MACROD2: variants seen among roughly 807,000 people sequenced by gnomAD.
The protein encoded by MACROD2 is mono-ADP ribosylhydrolase 2, also known as ADP-ribose glycohydrolase MACROD2.
A neutral mutation model predicts 70.4 loss-of-function variants in MACROD2; 36 were observed. The ratio of observed to expected loss-of-function variants is 0.51; its 90% CI spans 0.39 to 0.68. The LOEUF (loss-of-function observed/expected upper bound fraction) is 0.68. MACROD2 is among the 30% of genes least tolerant of loss of function. MACROD2 has a pLI of 0.00. For missense variants in MACROD2, 496 were observed against 538.4 expected (o/e 0.92, Z 0.78); for synonymous variants, 172 against 178.8 (o/e 0.96, Z 0.30).
intron 5 of MACROD2, among the ~76,000 whole-genome samples, chr20:15,159,698 C>T (rs556367342): frequency 6.6e-6 from 1 of 151,862 alleles, no homozygotes; most frequent in Admixed American, 6.6e-5. Flanking sequence ...GTCTAGTTCC[C>T]TTATCCTAAG....
At chr20:14,299,110 C>A (rs1040175095) in intron 3 of MACROD2, among the ~76,000 whole-genome samples, 3 of 152,116 alleles carry the variant, frequency 2.0e-5, no homozygotes, top group Admixed American at 1.3e-4. Flanking sequence ...TGCTATCAAA[C>A]AGCATCACAT....
intron 4 of MACROD2, among the ~76,000 whole-genome samples, chr20:14,650,775 G>A (rs772080507): frequency 6.6e-6 from 1 of 152,046 alleles, no homozygotes; most frequent in Non-Finnish European, 1.5e-5. Flanking sequence ...ATAACCCTTC[G>A]CACTACACAC....
At position 14,520,708 on chromosome 20, in the gene MACROD2, G is replaced by C. The variant is rs537440905; in HGVS notation, c.301+27200G>C. On this transcript the variant is annotated intron_variant, in intron 4 of 17. Transcript: ENST00000684519. ...TGTGTAAACTTTCCTGACTTCCCCA[G>C]GTAGAGCTGACTCTTCCCTCTTTTG... 1.9e-3 allele frequency among the ~76,000 whole-genome samples: 291 copies of C among 152,126 alleles called. 1 individual carries two copies. Among genetic ancestry groups the C allele is most frequent in the African/African-American group, 6.8e-3 (284 of 41,478 alleles).
At chr20:14,687,245 A>G (rs1227663963) in intron 5 of MACROD2, among the ~76,000 whole-genome samples, 1 of 152,166 alleles carries the variant, frequency 6.6e-6, no homozygotes, top group East Asian at 1.9e-4. Flanking sequence ...TATGTATTAA[A>G]ATACAAATCA....
At chr20:15,272,724 G>A (rs552734909) in intron 6 of MACROD2, among the ~76,000 whole-genome samples, 1 of 152,302 alleles carries the variant, frequency 6.6e-6, no homozygotes, top group Non-Finnish European at 1.5e-5. Flanking sequence ...TATGCAAGCT[G>A]AAAAGTAGGG....
At chr20:16,033,904 T>A (rs902502101) in intron 15 of MACROD2, among the ~76,000 whole-genome samples, 1 of 151,448 alleles carries the variant, frequency 6.6e-6, no homozygotes, top group African/African-American at 2.4e-5. Flanking sequence ...AGAGAAAAAA[T>A]CAAAGGCATA....
intron 5 of MACROD2, among the ~76,000 whole-genome samples, chr20:14,801,804 G>A (rs896764738): frequency 9.2e-5 from 14 of 152,030 alleles, no homozygotes; most frequent in African/African-American, 3.4e-4. Context: ...GAAAGTGAAA[G>A]GCAAAAGCAG....
intron 5 of MACROD2, among the ~76,000 whole-genome samples, chr20:14,702,624 T>TAC (rs1331891762): frequency 0.01 from 611 of 59,136 alleles, 60 homozygotes; most frequent in Non-Finnish European, 0.015. Context: ...TATATATATA[T>TAC]ACATATATAT....
intron 3 of MACROD2, among the ~76,000 whole-genome samples, chr20:14,129,497 A>G (rs2148697993): frequency 6.6e-6 from 1 of 152,338 alleles, no homozygotes; most frequent in Admixed American, 6.5e-5. Context: ...AATATTGTTG[A>G]AATGACAACA....
intron 4 of MACROD2, among the ~76,000 whole-genome samples, chr20:14,557,810 G>A (rs1979141008): frequency 6.6e-6 from 1 of 151,750 alleles, no homozygotes; most frequent in South Asian, 2.1e-4. Flanking sequence ...GTGAAAAATG[G>A]TATAGCAGTT....
intron 10 of MACROD2, among the ~76,000 whole-genome samples, chr20:15,912,601 A>C (rs573156291): frequency 1.2e-4 from 18 of 152,362 alleles, no homozygotes; most frequent in African/African-American, 4.3e-4. Context: ...TGGTAAGGAC[A>C]GGTTTGAAAC....
intron 12 of MACROD2, among the ~76,000 whole-genome samples, chr20:15,950,469 GA>G (rs1568662426): frequency 6.6e-6 from 1 of 152,080 alleles, no homozygotes; most frequent in Non-Finnish European, 1.5e-5. Context: ...GTCACCAACT[GA>G]TCATTGTAAA....
intron 6 of MACROD2, among the ~76,000 whole-genome samples, chr20:15,275,221 CACAA>C (rs779825677): frequency 1.3e-5 from 2 of 152,110 alleles, no homozygotes; most frequent in African/African-American, 2.4e-5. Context: ...ACCACAAACA[CACAA>C]ACAACAACAA....
intron 8 of MACROD2, among the ~76,000 whole-genome samples, chr20:15,808,311 T>G (rs1027078781): frequency 6.6e-6 from 1 of 152,212 alleles, no homozygotes; most frequent in Admixed American, 6.5e-5. Context: ...ACTGAACTTC[T>G]TACTTGTAAT....
chr20:15,651,088 G>A (rs1310688494), intron 8 of MACROD2, among the ~76,000 whole-genome samples: 2 of 152,168 alleles, frequency 1.3e-5, no homozygotes, highest in African/African-American at 4.8e-5. Flanking sequence ...GAAAATGGTT[G>A]GGTTTTTGGT....
intron 5 of MACROD2, among the ~76,000 whole-genome samples, chr20:14,698,855 G>A (rs1462814204): frequency 6.6e-6 from 1 of 150,992 alleles, no homozygotes; most frequent in Non-Finnish European, 1.5e-5. Context: ...GTTATCAGAA[G>A]AACTAGCCTA....
intron 2 of MACROD2, among the ~76,000 whole-genome samples, chr20:14,050,633 C>T (rs947283082): frequency 2.6e-5 from 4 of 152,024 alleles, no homozygotes; most frequent in African/African-American, 9.7e-5. Flanking sequence ...AAAACTGACC[C>T]CTGGAAAGTG....
At chr20:15,175,138 T>C (rs2076450600) in intron 5 of MACROD2, among the ~76,000 whole-genome samples, 1 of 151,878 alleles carries the variant, frequency 6.6e-6, no homozygotes, top group African/African-American at 2.4e-5. Flanking sequence ...GGAACACGGA[T>C]GAAATTGGAA....
At chr20:14,770,998 A>C (rs1388336918) in intron 5 of MACROD2, among the ~76,000 whole-genome samples, 1 of 152,100 alleles carries the variant, frequency 6.6e-6, no homozygotes, top group Non-Finnish European at 1.5e-5. Context: ...TGGTGGCTTT[A>C]TGATGGTGTT....
Sources: gnomAD v4.1 joint callset for allele counts (sites outside exome capture counted in the v4.1 genomes callset) on GRCh38, gnomAD v4.1.1 for gene constraint, MANE v1.5 for transcripts, NCBI Gene and HGNC (gene_info 2026-07-23, HGNC 2026-07-21) for gene names.